MED12L: variants seen among roughly 807,000 people sequenced by gnomAD.
MED12L encodes mediator complex subunit 12L.
MED12L carries 60 observed loss-of-function variants against 281.3 expected under a neutral mutation model. The observed-to-expected ratio is 0.21, with a 90% CI of 0.17 to 0.26. MED12L has a LOEUF of 0.26. Ranked by LOEUF, MED12L falls within the 10% of genes least tolerant of loss-of-function variation. The pLI, the probability that MED12L is intolerant of heterozygous loss-of-function variation, is 1.00. For synonymous variants in MED12L, 974 were observed against 987.2 expected, an observed-to-expected ratio of 0.99 and a Z score of 0.25; for missense variants, 2,146 against 2,680.9, an observed-to-expected ratio of 0.80 and a Z score of 4.41.
chr3:151,415,080 A>T (rs1717391629), intron 42 of MED12L, among the ~76,000 whole-genome samples: 1 of 152,222 alleles, frequency 6.6e-6, no homozygotes, highest in South Asian at 2.1e-4. Flanking sequence ...CAAATCACTG[A>T]GGAAAGTTAC....
At chr3:151,299,356 C>CTTTCTTTCCT (rs1553772493) in intron 16 of MED12L, among the ~76,000 whole-genome samples, 9 of 94,412 alleles carry the variant, frequency 9.5e-5, no homozygotes, top group Non-Finnish European at 1.5e-4. Flanking sequence ...TTCCTTCCTT[C>CTTTCTTTCCT]TTTCTTTTCT....
At chr3:151,383,985 G>A in intron 34 of MED12L, 97 bp downstream of exon 34, 1 of 1,485,324 alleles carries the variant, frequency 6.7e-7, no homozygotes, top group Non-Finnish European at 9.2e-7. Flanking sequence ...TATTTACTTG[G>A]ATGCTATTAA....
intron 31 of MED12L, 25 bp downstream of exon 31, chr3:151,378,198 T>C: frequency 6.4e-7 from 1 of 1,570,454 alleles, no homozygotes; most frequent in Non-Finnish European, 8.7e-7. Flanking sequence ...TGGGCGTCTG[T>C]GTGAGAGTTT....
At chr3:151,326,581 G>A (rs536427781) in intron 16 of MED12L, 152 of 152,280 alleles carry the variant, frequency 1.0e-3, no homozygotes, top group African/African-American at 3.5e-3. Context: ...TGTACCAGGG[G>A]GAAATATACA....
chr3:151,163,807 A>G, intron 8 of MED12L, 86 bp from the exon 9 acceptor site: 1 of 1,345,088 alleles, frequency 7.4e-7, no homozygotes, highest in Non-Finnish European at 1.0e-6. Flanking sequence ...TAATACAGTG[A>G]TGACAGGGTG....
At chr3:151,395,978 A>G (rs1192116040) in intron 39 of MED12L, among the ~76,000 whole-genome samples, 1 of 152,230 alleles carries the variant, frequency 6.6e-6, no homozygotes, top group Non-Finnish European at 1.5e-5. Flanking sequence ...ACAAGAGAGA[A>G]GAAACCAATT....
At chr3:151,426,563 A>G (rs1718895722) in intron 43 of MED12L, among the ~76,000 whole-genome samples, 1 of 152,204 alleles carries the variant, frequency 6.6e-6, no homozygotes, top group Non-Finnish European at 1.5e-5. Context: ...GTAGATATAG[A>G]TCATGTACTT....
intron 16 of MED12L, among the ~76,000 whole-genome samples, chr3:151,339,782 A>G (rs942960728): frequency 1.5e-5 from 1 of 64,608 alleles, no homozygotes; most frequent in African/African-American, 6.1e-5. Context: ...CACAATAGGC[A>G]GCTATAATGA....
chr3:151,301,782 C>A (rs1163209127), intron 16 of MED12L, among the ~76,000 whole-genome samples: 1 of 152,106 alleles, frequency 6.6e-6, no homozygotes, highest in Non-Finnish European at 1.5e-5. Flanking sequence ...AAAACAGGAC[C>A]CCTTATACAC....
intron 43 of MED12L, chr3:151,425,783 AAT>A: frequency 2.2e-6 from 1 of 456,356 alleles, no homozygotes; most frequent in Non-Finnish European, 4.4e-6. Flanking sequence ...TATGTTTGCT[AAT>A]AGAGGCATTT....
At chr3:151,331,859 T>C (rs528420961) in intron 16 of MED12L, among the ~76,000 whole-genome samples, 2 of 152,296 alleles carry the variant, frequency 1.3e-5, no homozygotes, top group African/African-American at 4.8e-5. Flanking sequence ...TAAGCCATTT[T>C]CCCCATATCA....
intron 16 of MED12L, among the ~76,000 whole-genome samples, chr3:151,197,364 A>G (rs373861277): frequency 4.3e-4 from 66 of 152,192 alleles, no homozygotes; most frequent in African/African-American, 1.5e-3. Flanking sequence ...GGGTTTCATC[A>G]TGTGGGCCAG....
intron 16 of MED12L, among the ~76,000 whole-genome samples, chr3:151,348,340 CAAAA>C (rs11382065): frequency 0.33 from 29,644 of 89,194 alleles, 3,242 homozygotes; most frequent in Non-Finnish European, 0.39. Context: ...ACCACCAGAC[CAAAA>C]AAAAAAAAAA....
chr3:151,113,575 A>T (rs1427781700), intron 2 of MED12L, among the ~76,000 whole-genome samples: 4 of 152,230 alleles, frequency 2.6e-5, no homozygotes, highest in African/African-American at 9.6e-5. Flanking sequence ...TGCATTGCGT[A>T]AGCATGAGAT....
chr3:151,375,363 A>G (rs1455960081), intron 27 of MED12L, among the ~76,000 whole-genome samples: 2 of 152,188 alleles, frequency 1.3e-5, no homozygotes, highest in African/African-American at 4.8e-5. Flanking sequence ...TTTATTTAGT[A>G]TAATAATTTG....
chr3:151,095,247 T>A (rs1405228105), intron 2 of MED12L, among the ~76,000 whole-genome samples: 1 of 152,218 alleles, frequency 6.6e-6, no homozygotes. Flanking sequence ...TGATACCATG[T>A]TGGTAGCTTG....
intron 2 of MED12L, among the ~76,000 whole-genome samples, chr3:151,108,555 G>C (rs1419220450): frequency 6.6e-6 from 1 of 152,154 alleles, no homozygotes; most frequent in Non-Finnish European, 1.5e-5. Context: ...ATAAAACCAT[G>C]AAAAGTGTTT....
intron 16 of MED12L, among the ~76,000 whole-genome samples, chr3:151,231,558 T>G (rs1731678912): frequency 6.6e-6 from 1 of 152,138 alleles, no homozygotes; most frequent in African/African-American, 2.4e-5. Context: ...ATATGAAACA[T>G]TTGATAAAGC....
chr3:151,165,360 G>T, intron 9 of MED12L, 60 bp from the exon 10 acceptor site: 1 of 1,371,342 alleles, frequency 7.3e-7, no homozygotes, highest in South Asian at 1.2e-5. Flanking sequence ...AACCTGACAT[G>T]ATTTAGACAT....
Sources: gnomAD v4.1 joint callset for allele counts (sites outside exome capture counted in the v4.1 genomes callset) on GRCh38, gnomAD v4.1.1 for gene constraint, MANE v1.5 for transcripts, NCBI Gene and HGNC (gene_info 2026-07-23, HGNC 2026-07-21) for gene names.